Variants in C6orf163 observed in about 807,000 individuals in gnomAD.
The protein encoded by C6orf163 is chromosome 6 open reading frame 163.
A neutral mutation model predicts 28.4 loss-of-function variants in C6orf163; 22 were observed. That is an observed-to-expected ratio of 0.78 (90% CI 0.55 to 1.11). C6orf163 has a LOEUF of 1.11. Ranked by LOEUF, C6orf163 falls within the 50% of genes least tolerant of loss-of-function variation. The pLI, the probability that C6orf163 is intolerant of heterozygous loss-of-function variation, is 0.00. For synonymous variants in C6orf163, 110 were observed against 123.6 expected, an observed-to-expected ratio of 0.89 and a Z score of 0.73; for missense variants, 342 against 389.1, an observed-to-expected ratio of 0.88 and a Z score of 1.02.
At chr6:87,362,671 A>G (rs781063238) in intron 4 of C6orf163, among the ~76,000 whole-genome samples, 1 of 152,180 alleles carries the variant, frequency 6.6e-6, no homozygotes, top group Admixed American at 6.5e-5. Flanking sequence ...ACGGAGGCTA[A>G]AGAAAGATGT....
intron 3 of C6orf163, among the ~76,000 whole-genome samples, chr6:87,353,726 A>G (rs1777455406): frequency 6.6e-6 from 1 of 152,222 alleles, no homozygotes; most frequent in African/African-American, 2.4e-5. Flanking sequence ...GGAGTTAAAT[A>G]AAGGCCTCTG....
intron 1 of C6orf163, among the ~76,000 whole-genome samples, chr6:87,345,940 A>AAAAAAAT (rs869225279): frequency 2.8e-4 from 39 of 141,402 alleles, no homozygotes; most frequent in African/African-American, 1.0e-3. Flanking sequence ...AAAAAAAAAA[A>AAAAAAAT]TTTTAAAGTA....
intron 1 of C6orf163, 131 bp from the exon 2 acceptor site, chr6:87,348,681 A>G: frequency 7.0e-7 from 1 of 1,420,184 alleles, no homozygotes; most frequent in South Asian, 1.6e-5. Context: ...GTATCTTTGA[A>G]ATATATATAC....
chr6:87,349,155 T>C (rs1285719678), intron 2 of C6orf163, among the ~76,000 whole-genome samples: 1 of 152,142 alleles, frequency 6.6e-6, no homozygotes, highest in Non-Finnish European at 1.5e-5. Context: ...AGTAGGTGCT[T>C]AGTAAGAAGC....
chr6:87,352,136 C>T (rs941601361), intron 3 of C6orf163, among the ~76,000 whole-genome samples: 2 of 152,150 alleles, frequency 1.3e-5, no homozygotes, highest in African/African-American at 2.4e-5. Context: ...TGAGAATTTA[C>T]ATTTATACCA....
intron 4 of C6orf163, among the ~76,000 whole-genome samples, chr6:87,363,462 C>T (rs1312385332): frequency 6.6e-6 from 1 of 151,724 alleles, no homozygotes; most frequent in Non-Finnish European, 1.5e-5. Context: ...CGTCATTTAG[C>T]ATTAGGTATA....
At chr6:87,345,304 C>CT in intron 1 of C6orf163, 57 bp downstream of exon 1, 1 of 1,417,454 alleles carries the variant, frequency 7.1e-7, no homozygotes, top group Non-Finnish European at 9.2e-7. Context: ...ATGTGTCATT[C>CT]TTTCTGTTAC....
Position 87,363,757 on chromosome 6 carries a change from T to C in C6orf163, c.555-1204T>C, listed in dbSNP as rs542609459. On this transcript the variant is annotated intron_variant, in intron 4 of 4. Transcript: ENST00000388923. The stretch of plus-strand genomic sequence containing the variant: ...AATCCAGTCTATCATTGTTGGACAT[T>C]TGGGTTGGTTCCAAGTCTTTGCTAT... Among the ~76,000 whole-genome samples the C allele has an allele frequency of 2.8e-4, 43 of 152,114 alleles. No homozygotes were observed. In the South Asian group the frequency reaches 9.0e-3, roughly 32 times the overall value.
chr6:87,352,759 T>A (rs1297663891), intron 3 of C6orf163, among the ~76,000 whole-genome samples: 1 of 152,154 alleles, frequency 6.6e-6, no homozygotes, highest in African/African-American at 2.4e-5. Flanking sequence ...TGGCAGCCAA[T>A]GCAAAGAGAG....
intron 4 of C6orf163, among the ~76,000 whole-genome samples, chr6:87,363,926 A>G (rs1777612555): frequency 6.6e-6 from 1 of 152,216 alleles, no homozygotes; most frequent in Non-Finnish European, 1.5e-5. Context: ...TGATATCACA[A>G]TAAATTGAAA....
At chr6:87,361,236 A>T (rs915266872) in intron 4 of C6orf163, among the ~76,000 whole-genome samples, 1 of 152,124 alleles carries the variant, frequency 6.6e-6, no homozygotes, top group Non-Finnish European at 1.5e-5. Context: ...ATGAGCCAAG[A>T]TGGTGCTGCT....
At chr6:87,362,224 C>T (rs1449718992) in intron 4 of C6orf163, among the ~76,000 whole-genome samples, 1 of 152,194 alleles carries the variant, frequency 6.6e-6, no homozygotes, top group Non-Finnish European at 1.5e-5. Context: ...CACCTGTAAT[C>T]CCAGCAATTT....
rs1777302077 is a variant in C6orf163, at chr6:87,345,038, G to A, written c.-62G>A. 3.2e-5 allele frequency: 44 copies of A among 1,381,414 alleles called. No individual in the cohort carries two copies. In the South Asian group the frequency reaches 5.8e-4, roughly 18 times the overall value. 85.6% of individuals were successfully genotyped at this position (1,381,414 alleles called of 1,614,324 possible). On this transcript the variant is annotated 5_prime_UTR_variant, in exon 1 of 5. Transcript: ENST00000388923. The stretch of plus-strand genomic sequence containing the variant: ...TTAAACTTTCAGCTTTTCTTGAAAC[G>A]ACTTTTTCTGATTCTAAGATTATTT...
At chr6:87,346,345 T>C (rs1777324054) in intron 1 of C6orf163, among the ~76,000 whole-genome samples, 1 of 152,202 alleles carries the variant, frequency 6.6e-6, no homozygotes, top group African/African-American at 2.4e-5. Context: ...CAAAATTGTT[T>C]CTTAGCATTT....
At position 87,345,174 on chromosome 6, in the gene C6orf163, T is replaced by C. The variant is rs1777304132; in HGVS notation, c.75T>C (p.Phe25=). 1.3e-6 allele frequency: 2 copies of C among 1,536,762 alleles called. No individual in the cohort carries two copies. ...ATAAAATAATTCCACCAGCCCCTTT[T>C]GGAAAAACCTTCAAACGGATCCATG... ...VCNKIIPPAP[F]GKTFKRIHEY... Residue 25 remains phenylalanine, a synonymous_variant, in exon 1 of 5, where the codon TTT becomes TTC. Coordinates refer to ENST00000388923, the MANE Select transcript of C6orf163 (RefSeq NM_001010868.3).
At chr6:87,346,840 A>C (rs144231391) in intron 1 of C6orf163, among the ~76,000 whole-genome samples, 55 of 152,326 alleles carry the variant, frequency 3.6e-4, no homozygotes, top group African/African-American at 1.3e-3. Flanking sequence ...ATTTCAAGAT[A>C]GTTTAAGACT....
chr6:87,348,962 G>A lies in C6orf163; in HGVS notation c.243+56G>A, dbSNP rs1249107519. On this transcript the variant is annotated intron_variant, in intron 2 of 4. Transcript: ENST00000388923. ...CATCTTTACCGTTCTTTCACATTTT[G>A]GATTTGTCTGAAACAATTGTATAGT... 5.2e-6 allele frequency: 8 copies of A among 1,526,384 alleles called. No individual in the cohort carries two copies. In the African/African-American group the frequency reaches 1.1e-4, roughly 21 times the overall value. The allele number at this position is 1,526,384 out of a possible 1,614,324, so 94.6% of individuals were successfully genotyped here.
intron 3 of C6orf163, among the ~76,000 whole-genome samples, chr6:87,355,494 G>A (rs2127933245): frequency 6.6e-6 from 1 of 152,184 alleles, no homozygotes; most frequent in East Asian, 1.9e-4. Context: ...CTGGGAGGTG[G>A]AGGCTGAAGT....
intron 4 of C6orf163, among the ~76,000 whole-genome samples, 171 bp from the exon 5 acceptor site, chr6:87,364,790 A>G (rs1376691322): frequency 6.6e-6 from 1 of 152,162 alleles, no homozygotes; most frequent in Non-Finnish European, 1.5e-5. Context: ...TGCTCTGAAA[A>G]TGTGTTTTGT....
Sources: allele counts gnomAD v4.1 joint callset (sites outside exome capture counted in the v4.1 genomes callset), GRCh38; gene constraint gnomAD v4.1.1; transcripts MANE v1.5; gene names NCBI Gene and HGNC (gene_info 2026-07-23, HGNC 2026-07-21).